Variants in ZNF682 observed in about 807,000 individuals in gnomAD.
ZNF682 encodes the protein zinc finger protein 682.
ZNF682 carries 29 observed loss-of-function variants against 36.5 expected under a neutral mutation model. The observed-to-expected ratio is 0.80, with a 90% confidence interval of 0.59 to 1.08. ZNF682 has a LOEUF of 1.08. ZNF682 is among the 50% of genes least tolerant of loss of function. ZNF682 has a pLI of 0.00. For synonymous variants in ZNF682, 180 were observed against 197.0 expected, an observed-to-expected ratio of 0.91 and a Z score of 0.72; for missense variants, 561 against 579.7, an observed-to-expected ratio of 0.97 and a Z score of 0.33.
At chr19:20,038,669 G>A (rs2088555658) in intron 1 of ZNF682, among the ~76,000 whole-genome samples, 1 of 151,086 alleles carries the variant, frequency 6.6e-6, no homozygotes, top group African/African-American at 2.4e-5. Flanking sequence ...ACCTTAGGGG[G>A]AAACAAAATT....
chr19:20,006,349 T>C lies in ZNF682; in HGVS notation c.1153A>G (p.Thr385Ala). Residue 385 changes from threonine (T) to alanine (A), a missense_variant, in exon 4 of 4, where the codon ACT (threonine) becomes GCT (alanine). Coordinates refer to ENST00000397165, the MANE Select transcript of ZNF682 (RefSeq NM_033196.3). ...CCAGTGTGAATTCTCTTGTGTTTAG[T>C]AAGGTATGAGAACCTCTTAAAGACT... ...DKVFKRFSYL[T>A]KHKRIHTGEK... 6.2e-7 allele frequency: 1 copy of C among 1,613,506 alleles called. No individual in the cohort carries two copies. Among genetic ancestry groups the C allele is most frequent in the African/African-American group, 1.3e-5 (1 of 75,052 alleles).
intron 3 of ZNF682, among the ~76,000 whole-genome samples, chr19:20,017,003 G>A (rs1239677062): frequency 6.6e-6 from 1 of 152,048 alleles, no homozygotes; most frequent in Non-Finnish European, 1.5e-5. Flanking sequence ...TGAGATTTAA[G>A]CATATTGTTA....
At chr19:20,001,251 T>C (rs550097710), downstream of ZNF682, among the ~76,000 whole-genome samples, 1 of 152,358 alleles carries the variant, frequency 6.6e-6, no homozygotes, top group African/African-American at 2.4e-5. Context: ...AGGCATCTCC[T>C]GTGGCATGCA....
At chr19:20,000,906 C>T (rs1377056490), downstream of ZNF682, among the ~76,000 whole-genome samples, 1 of 152,188 alleles carries the variant, frequency 6.6e-6, no homozygotes, top group Admixed American at 6.5e-5. Context: ...CCCTACACCA[C>T]TAACCTTGGC....
downstream of ZNF682, among the ~76,000 whole-genome samples, chr19:20,002,642 G>A (rs916362174): frequency 5.3e-5 from 8 of 152,082 alleles, no homozygotes; most frequent in Non-Finnish European, 8.8e-5. Context: ...ATGTCCTCAC[G>A]GCAATTTTAA....
Position 20,024,350 on chromosome 19 carries a change from G to A in ZNF682, c.30C>T (p.Thr10=). 1 of 1,612,574 alleles carries A rather than the reference G, an allele frequency of 6.2e-7. No individual in the cohort carries two copies. The highest frequency in any genetic ancestry group is 1.7e-5 in the Admixed American group (1 of 59,666). ...CCCACTCCTCCAGAGAGAATTCTAT[G>A]GTCACATCCCTGAATGTCAACAGTT... is the stretch of plus-strand genomic sequence containing the variant. MELLTFRDV[T]IEFSLEEWEF... is the part of the protein sequence containing the mutation. The change falls in exon 2 of 4, where the codon ACC becomes ACT. Residue 10 remains threonine, a synonymous_variant. Coordinates refer to ENST00000397165, the MANE Select transcript of ZNF682 (RefSeq NM_033196.3).
chr19:20,003,146 G>C (rs1431649398), downstream of ZNF682, among the ~76,000 whole-genome samples: 2 of 111,114 alleles, frequency 1.8e-5, no homozygotes, highest in African/African-American at 7.0e-5. Context: ...AGCCGAGATC[G>C]CACCACTGCA....
chr19:20,029,600 CAAAA>C (rs59197434), intron 1 of ZNF682, among the ~76,000 whole-genome samples: 9 of 119,828 alleles, frequency 7.5e-5, no homozygotes, highest in Admixed American at 1.7e-4. Flanking sequence ...GACCCTGTCT[CAAAA>C]AAAAAAAAAA....
chr19:20,014,710 G>T (rs1274861426), intron 3 of ZNF682, among the ~76,000 whole-genome samples: 1 of 151,668 alleles, frequency 6.6e-6, no homozygotes, highest in Non-Finnish European at 1.5e-5. Flanking sequence ...AACCTGGGAG[G>T]CGGAGGTTGA....
chr19:20,003,601 A>G (rs895983167), downstream of ZNF682, among the ~76,000 whole-genome samples: 1 of 151,666 alleles, frequency 6.6e-6, no homozygotes, highest in Non-Finnish European at 1.5e-5. Context: ...GCTACTGGGG[A>G]GGCTGAGGCA....
Position 20,006,318 on chromosome 19 carries a change from T to A in ZNF682, c.1184A>T (p.Lys395Ile). The part of the protein sequence containing the change: ...TKHKRIHTGE[K>I]PYKCEECGKA... Reference sequence around the variant, plus strand: ...GCCACATTCTTCACATTTGTAGGGTTTCTCTCCAGTGTGAATTCTCTTGTG... The same window carrying A: ...GCCACATTCTTCACATTTGTAGGGTATCTCTCCAGTGTGAATTCTCTTGTG... The change falls in exon 4 of 4, where the codon AAA becomes ATA. Residue 395 changes from lysine to isoleucine, a missense_variant. Physicochemically the swap from Lys to Ile is moderately radical, Grantham distance 102. Transcript: ENST00000397165. 6.2e-7 allele frequency: 1 copy of A among 1,613,650 alleles called. No homozygotes were observed. Among genetic ancestry groups the A allele is most frequent in the Non-Finnish European group, 8.5e-7 (1 of 1,179,996 alleles).
rs184327468 is a variant in ZNF682, at chr19:20,028,126, A to T, written c.4-3750T>A. Among the ~76,000 whole-genome samples the T allele has an allele frequency of 2.7e-3, 418 of 152,294 alleles. 4 individuals carry two copies. The highest frequency in any genetic ancestry group is 8.9e-3 in the African/African-American group (370 of 41,556). Reference sequence around the variant, plus strand: ...CCTAACTAGAATGTGATGAGCTGACAATCACTTAGCTAAGAATTGCCTCTT... The same window carrying T: ...CCTAACTAGAATGTGATGAGCTGACTATCACTTAGCTAAGAATTGCCTCTT... On this transcript the variant is annotated intron_variant, in intron 1 of 3. Coordinates refer to ENST00000397165, the MANE Select transcript of ZNF682 (RefSeq NM_033196.3).
chr19:20,039,182 T>G, intron 1 of ZNF682, 161 bp downstream of exon 1: 1 of 1,380,632 alleles, frequency 7.2e-7, no homozygotes, highest in South Asian at 1.7e-5. Context: ...CCTCGCATCC[T>G]GTGCCCGGAG....
At position 20,017,059 on chromosome 19, in the gene ZNF682, T is replaced by C. The variant is rs117759838; in HGVS notation, c.226+5945A>G. ...TTCAAGGTGATCACAAAAATACCTA[T>C]AGAAGATATGCAAAAGAAAATGAAA... On this transcript the variant is annotated intron_variant, in intron 3 of 3. Transcript: ENST00000397165. Among the ~76,000 whole-genome samples, 46 of 152,150 alleles carry C rather than the reference T, an allele frequency of 3.0e-4. 1 individual carries two copies. In the East Asian group the frequency reaches 5.2e-3, roughly 17 times the overall value.
intron 1 of ZNF682, among the ~76,000 whole-genome samples, chr19:20,030,135 G>A (rs1475791081): frequency 6.6e-6 from 1 of 152,134 alleles, no homozygotes; most frequent in African/African-American, 2.4e-5. Flanking sequence ...AGGTTTGTGT[G>A]ATTTTAATCT....
chr19:19,995,386 G>A (rs375117753), downstream of ZNF682, among the ~76,000 whole-genome samples: 5 of 151,924 alleles, frequency 3.3e-5, no homozygotes, highest in East Asian at 3.9e-4. Context: ...AAGCTTTGGC[G>A]CTATCTGGGA....
At chr19:20,021,321 G>C (rs1335711750) in intron 3 of ZNF682, among the ~76,000 whole-genome samples, 1 of 152,066 alleles carries the variant, frequency 6.6e-6, no homozygotes, top group African/African-American at 2.4e-5. Flanking sequence ...GGAGGCCAAG[G>C]AGGGTGGATC....
At chr19:20,028,213 G>GGTTTGTTTGTTT (rs61022181) in intron 1 of ZNF682, among the ~76,000 whole-genome samples, 118,351 of 151,438 alleles carry the variant, frequency 0.78, 46,393 homozygotes, top group Middle Eastern at 0.87. Flanking sequence ...TGATTCTGCA[G>GGTTTGTTTGTTT]GTTTGTTTGT....
chr19:20,009,124 A>T (rs2088258281), intron 3 of ZNF682, among the ~76,000 whole-genome samples: 1 of 152,226 alleles, frequency 6.6e-6, no homozygotes, highest in Admixed American at 6.5e-5. Flanking sequence ...GGCAATACAG[A>T]AAGCCAGAGT....
Sources: allele counts gnomAD v4.1 joint callset (sites outside exome capture counted in the v4.1 genomes callset), GRCh38; gene constraint gnomAD v4.1.1; transcripts MANE v1.5; gene names NCBI Gene and HGNC (gene_info 2026-07-23, HGNC 2026-07-21).